KDM4C: variants seen among roughly 807,000 people sequenced by gnomAD.
KDM4C encodes lysine demethylase 4C, also known as lysine-specific demethylase 4C.
KDM4C carries 81 observed loss-of-function variants against 129.3 expected under a neutral mutation model. That is an observed-to-expected ratio of 0.63 (90% CI 0.52 to 0.75). The LOEUF (loss-of-function observed/expected upper bound fraction) is 0.75. Among genes scored for constraint, KDM4C ranks in the 30% least tolerant of loss-of-function variants. The probability of loss-of-function intolerance (pLI) is 0.00; values close to 1 mark genes in which losing one functional copy is unlikely to be tolerated. For missense variants in KDM4C, 1,457 were observed against 1,304.0 expected (o/e 1.12, Z -1.81); for synonymous variants, 573 against 456.1 (o/e 1.26, Z -3.26).
intron 6 of KDM4C, among the ~76,000 whole-genome samples, chr9:6,885,798 A>G (rs1173954982): frequency 6.6e-6 from 1 of 152,176 alleles, no homozygotes; most frequent in East Asian, 1.9e-4. Context: ...TTTCAGGACT[A>G]TGTAAAATAT....
intron 8 of KDM4C, among the ~76,000 whole-genome samples, chr9:6,939,058 C>T (rs1043795663): frequency 2.0e-5 from 3 of 151,568 alleles, no homozygotes; most frequent in African/African-American, 7.3e-5. Flanking sequence ...CACAGATCTC[C>T]TGCTGTGTGG....
chr9:7,141,142 T>A (rs1371205632), intron 19 of KDM4C, among the ~76,000 whole-genome samples: 1 of 151,926 alleles, frequency 6.6e-6, no homozygotes, highest in Non-Finnish European at 1.5e-5. Context: ...ATGAAGTAGG[T>A]TTTTTTTGGC....
intron 1 of KDM4C, among the ~76,000 whole-genome samples, chr9:6,771,558 G>A (rs879919600): frequency 9.9e-5 from 15 of 151,342 alleles, no homozygotes; most frequent in African/African-American, 1.7e-4. Context: ...TTATCCACCT[G>A]CCTTGGCCTC....
intron 1 of KDM4C, among the ~76,000 whole-genome samples, chr9:6,740,555 G>A (rs1452474805): frequency 6.6e-6 from 1 of 151,438 alleles, no homozygotes; most frequent in Non-Finnish European, 1.5e-5. Flanking sequence ...GTCTTGCTCT[G>A]TTGCCCAGGA....
At chr9:6,746,718 A>G (rs574064647) in intron 1 of KDM4C, among the ~76,000 whole-genome samples, 2 of 151,280 alleles carry the variant, frequency 1.3e-5, no homozygotes, top group East Asian at 4.0e-4. Context: ...CGTCTCTAAG[A>G]AAAAAACAGG....
chr9:6,993,304 A>G (rs1055730514), intron 12 of KDM4C, among the ~76,000 whole-genome samples: 8 of 152,190 alleles, frequency 5.3e-5, no homozygotes, highest in Non-Finnish European at 1.0e-4. Context: ...TTTATATTTT[A>G]TAACTTAAAT....
chr9:7,170,075 T>A (rs1041101284), intron 21 of KDM4C, 185 bp downstream of exon 21: 1 of 1,498,516 alleles, frequency 6.7e-7, no homozygotes. Flanking sequence ...ATCGGGGAAA[T>A]TAATGCATGT....
At chr9:7,004,518 G>A (rs143325802) in intron 12 of KDM4C, among the ~76,000 whole-genome samples, 1 of 151,930 alleles carries the variant, frequency 6.6e-6, no homozygotes, top group Non-Finnish European at 1.5e-5. Context: ...AATATATATA[G>A]TCATACTGTA....
chr9:7,109,581 G>A (rs944110939), intron 18 of KDM4C, among the ~76,000 whole-genome samples: 1 of 152,224 alleles, frequency 6.6e-6, no homozygotes, highest in African/African-American at 2.4e-5. Context: ...TCAGATGATT[G>A]TGTTTTTGTA....
At chr9:7,111,207 A>T (rs778932420) in intron 18 of KDM4C, among the ~76,000 whole-genome samples, 29 of 152,042 alleles carry the variant, frequency 1.9e-4, no homozygotes, top group Non-Finnish European at 4.1e-4. Context: ...TAACTTATTT[A>T]ATCTTCAGTG....
intron 12 of KDM4C, among the ~76,000 whole-genome samples, chr9:7,009,413 A>C (rs1822272167): frequency 6.6e-6 from 1 of 152,088 alleles, no homozygotes; most frequent in Admixed American, 6.6e-5. Context: ...TTTAAAGAAC[A>C]CTCTTGAACT....
upstream of KDM4C, among the ~76,000 whole-genome samples, chr9:6,756,510 A>G (rs1272407233): frequency 6.6e-6 from 1 of 152,188 alleles, no homozygotes. Flanking sequence ...TGAGGTCAGG[A>G]GTTTGTGACC....
At chr9:6,966,814 G>C (rs1831058923) in intron 8 of KDM4C, among the ~76,000 whole-genome samples, 1 of 152,136 alleles carries the variant, frequency 6.6e-6, no homozygotes, top group Admixed American at 6.5e-5. Flanking sequence ...AGACCTGACA[G>C]AGAAAATTAA....
At chr9:7,120,257 T>C (rs1227076143) in intron 18 of KDM4C, among the ~76,000 whole-genome samples, 1 of 152,174 alleles carries the variant, frequency 6.6e-6, no homozygotes, top group Non-Finnish European at 1.5e-5. Context: ...GTCCAGGTAT[T>C]AGGAACATAC....
chr9:6,890,556 G>C (rs1056807039), intron 7 of KDM4C, among the ~76,000 whole-genome samples: 3 of 151,944 alleles, frequency 2.0e-5, no homozygotes, highest in African/African-American at 4.8e-5. Flanking sequence ...TATGGTATGA[G>C]ATTGGGACTG....
chr9:6,777,442 G>A (rs1355797038), intron 1 of KDM4C, among the ~76,000 whole-genome samples: 1 of 152,206 alleles, frequency 6.6e-6, no homozygotes, highest in Admixed American at 6.5e-5. Flanking sequence ...CTTCAGCTGG[G>A]CACATCTCCG....
intron 8 of KDM4C, among the ~76,000 whole-genome samples, chr9:6,978,360 T>G (rs1370390949): frequency 6.6e-6 from 1 of 152,234 alleles, no homozygotes; most frequent in African/African-American, 2.4e-5. Context: ...TCTTTTTATA[T>G]TATCTTTTAT....
At chr9:6,781,531 A>G (rs962888231) in intron 1 of KDM4C, among the ~76,000 whole-genome samples, 8 of 152,146 alleles carry the variant, frequency 5.3e-5, no homozygotes, top group South Asian at 2.1e-4. Flanking sequence ...GCCATAAACC[A>G]TGGTATTCTT....
chr9:6,880,867 C>T (rs941046101), intron 6 of KDM4C, among the ~76,000 whole-genome samples: 3 of 152,156 alleles, frequency 2.0e-5, no homozygotes, highest in Admixed American at 6.5e-5. Context: ...ACATTCACCC[C>T]CTGCCATCCT....
Sources: allele counts gnomAD v4.1 joint callset (sites outside exome capture counted in the v4.1 genomes callset), GRCh38; gene constraint gnomAD v4.1.1; transcripts MANE v1.5; gene names NCBI Gene and HGNC (gene_info 2026-07-23, HGNC 2026-07-21).